Variants in CFAP61 observed in about 807,000 individuals in gnomAD.
CFAP61 encodes the protein cilia- and flagella-associated protein 61.
Under a neutral mutation model 135.6 loss-of-function variants are expected in CFAP61, and 107 were observed. The ratio of observed to expected loss-of-function variants is 0.79; its 90% CI spans 0.67 to 0.93. The LOEUF (loss-of-function observed/expected upper bound fraction) is 0.93. CFAP61 is among the 40% of genes least tolerant of loss of function. CFAP61 has a pLI of 0.00. For synonymous variants in CFAP61, 575 were observed against 578.5 expected (o/e 0.99, Z 0.09); for missense variants, 1,507 against 1,556.2 (o/e 0.97, Z 0.53).
At chr20:20,227,762 C>T (rs975879144) in intron 17 of CFAP61, among the ~76,000 whole-genome samples, 2 of 152,192 alleles carry the variant, frequency 1.3e-5, no homozygotes, top group South Asian at 4.2e-4. Context: ...CAAGACACCG[C>T]GTTAAGTAAC....
At chr20:20,092,671 C>T (rs1291633115) in intron 7 of CFAP61, among the ~76,000 whole-genome samples, 1 of 128,562 alleles carries the variant, frequency 7.8e-6, no homozygotes, top group Non-Finnish European at 1.6e-5. Context: ...GCAAATGATT[C>T]GAATAGACAC....
chr20:20,075,287 G>A (rs750213925), intron 5 of CFAP61, 31 bp downstream of exon 5: 23 of 1,605,306 alleles, frequency 1.4e-5, no homozygotes, highest in Non-Finnish European at 1.8e-5. Flanking sequence ...TCTGGTCCCC[G>A]GTAGCAAACA....
At chr20:20,109,020 GCT>G (rs957371343) in intron 8 of CFAP61, among the ~76,000 whole-genome samples, 2 of 152,164 alleles carry the variant, frequency 1.3e-5, no homozygotes, top group African/African-American at 4.8e-5. Flanking sequence ...TGGAACAGTT[GCT>G]CAGTCTTTCC....
At chr20:20,250,714 T>C (rs896552440) in intron 19 of CFAP61, among the ~76,000 whole-genome samples, 4 of 152,222 alleles carry the variant, frequency 2.6e-5, no homozygotes, top group African/African-American at 7.2e-5. Context: ...AGACTCTCAG[T>C]ATTCAGAACA....
intron 25 of CFAP61, among the ~76,000 whole-genome samples, chr20:20,311,272 A>G (rs1271711351): frequency 6.6e-6 from 1 of 152,242 alleles, no homozygotes; most frequent in Admixed American, 6.5e-5. Context: ...ACAGGTCCAC[A>G]AAACCCTTAT....
chr20:20,316,840 C>A (rs2057165306), intron 25 of CFAP61: 1 of 136,362 alleles, frequency 7.3e-6, no homozygotes, highest in Admixed American at 7.2e-5. Context: ...CAAGATCGTG[C>A]CACTGCACTC....
At chr20:20,266,071 C>G (rs1249093706) in intron 21 of CFAP61, among the ~76,000 whole-genome samples, 1 of 152,190 alleles carries the variant, frequency 6.6e-6, no homozygotes, top group Non-Finnish European at 1.5e-5. Flanking sequence ...GAGTAGGATC[C>G]AGTGTGAGAG....
intron 15 of CFAP61, 130 bp downstream of exon 15, chr20:20,191,549 A>G (rs1233512373): frequency 3.3e-6 from 2 of 599,546 alleles, no homozygotes; most frequent in African/African-American, 1.8e-5. Context: ...GATGGATATC[A>G]TCATCATCTG....
At chr20:20,354,070 T>C (rs540913967) in intron 26 of CFAP61, among the ~76,000 whole-genome samples, 66 of 152,286 alleles carry the variant, frequency 4.3e-4, no homozygotes, top group African/African-American at 1.4e-3. Flanking sequence ...GAAATGAACC[T>C]AAGTGTTCAT....
At chr20:20,137,521 TCCA>T (rs1321972700) in intron 8 of CFAP61, among the ~76,000 whole-genome samples, 1 of 152,100 alleles carries the variant, frequency 6.6e-6, no homozygotes, top group Non-Finnish European at 1.5e-5. Flanking sequence ...TCTCCCCATG[TCCA>T]CCACCACCAC....
At chr20:20,081,656 C>A (rs900817932) in intron 6 of CFAP61, among the ~76,000 whole-genome samples, 1 of 152,170 alleles carries the variant, frequency 6.6e-6, no homozygotes, top group East Asian at 1.9e-4. Flanking sequence ...TTCCTACACC[C>A]CTTCCTTCTT....
chr20:20,133,608 G>C (rs1285930354), intron 8 of CFAP61, among the ~76,000 whole-genome samples: 1 of 152,202 alleles, frequency 6.6e-6, no homozygotes, highest in African/African-American at 2.4e-5. Flanking sequence ...TGCAACCCAT[G>C]TTCACACACA....
intron 13 of CFAP61, among the ~76,000 whole-genome samples, chr20:20,186,025 TA>T (rs1284840218): frequency 6.6e-6 from 1 of 152,254 alleles, no homozygotes; most frequent in African/African-American, 2.4e-5. Flanking sequence ...TATTGAGATG[TA>T]ATTCACATGC....
At chr20:20,084,351 C>T (rs1267228707) in intron 6 of CFAP61, among the ~76,000 whole-genome samples, 1 of 152,136 alleles carries the variant, frequency 6.6e-6, no homozygotes, top group Non-Finnish European at 1.5e-5. Context: ...TGGAGAATAT[C>T]ATCAGACAGG....
intron 17 of CFAP61, among the ~76,000 whole-genome samples, chr20:20,203,251 T>G (rs1255596971): frequency 1.3e-5 from 2 of 152,194 alleles, no homozygotes; most frequent in Non-Finnish European, 2.9e-5. Flanking sequence ...TAGTAATGTC[T>G]CCACAGTCAA....
At chr20:20,109,219 C>T (rs1026932767) in intron 8 of CFAP61, among the ~76,000 whole-genome samples, 9 of 152,170 alleles carry the variant, frequency 5.9e-5, no homozygotes, top group Non-Finnish European at 1.2e-4. Context: ...GATCACTTGA[C>T]TAAAGTGACT....
intron 25 of CFAP61, among the ~76,000 whole-genome samples, chr20:20,308,833 A>G (rs535568478): frequency 6.6e-6 from 1 of 152,210 alleles, no homozygotes; most frequent in East Asian, 1.9e-4. Context: ...CCTCCATTTC[A>G]TTACATACCC....
chr20:20,140,702 TC>T (rs1368742814), intron 8 of CFAP61, among the ~76,000 whole-genome samples: 1 of 132,892 alleles, frequency 7.5e-6, no homozygotes, highest in Non-Finnish European at 1.6e-5. Flanking sequence ...GACCCAGCCA[TC>T]CCATTACTGG....
chr20:20,296,327 C>CTTG (rs2055558462), intron 24 of CFAP61, among the ~76,000 whole-genome samples: 1 of 26,038 alleles, frequency 3.8e-5, no homozygotes, highest in Admixed American at 3.3e-4. Context: ...TCCTTCCTTC[C>CTTG]CTTCCTTCCT....
Sources: gnomAD v4.1 joint callset for allele counts (sites outside exome capture counted in the v4.1 genomes callset) on GRCh38, gnomAD v4.1.1 for gene constraint, MANE v1.5 for transcripts, NCBI Gene and HGNC (gene_info 2026-07-23, HGNC 2026-07-21) for gene names.